CDH13: variants seen among roughly 807,000 people sequenced by gnomAD.
The protein encoded by CDH13 is cadherin 13, also known as cadherin-13.
In CDH13, 24 loss-of-function variants were observed where a neutral mutation model predicts 63.8. The ratio of observed to expected loss-of-function variants is 0.38; its 90% CI spans 0.27 to 0.53. The LOEUF (loss-of-function observed/expected upper bound fraction) is 0.53. CDH13 is among the 20% of genes least tolerant of loss of function. The probability of loss-of-function intolerance (pLI) is 0.85; values close to 1 mark genes in which losing one functional copy is unlikely to be tolerated. For synonymous variants in CDH13, 503 were observed against 355.3 expected, an observed-to-expected ratio of 1.42 and a Z score of -4.67; for missense variants, 1,049 against 903.1, an observed-to-expected ratio of 1.16 and a Z score of -2.07.
At chr16:83,741,362 G>C (rs987921548) in intron 10 of CDH13, among the ~76,000 whole-genome samples, 2 of 151,968 alleles carry the variant, frequency 1.3e-5, no homozygotes, top group Non-Finnish European at 2.9e-5. Flanking sequence ...CTTTCCTACA[G>C]TTTTACAGGG....
At chr16:83,164,966 G>A (rs1015207821) in intron 4 of CDH13, among the ~76,000 whole-genome samples, 2 of 151,784 alleles carry the variant, frequency 1.3e-5, no homozygotes, top group Non-Finnish European at 2.9e-5. Context: ...TGGCAGAACT[G>A]GAGACAATCC....
intron 8 of CDH13, among the ~76,000 whole-genome samples, chr16:83,628,162 C>T (rs11862587): frequency 0.8 from 121,243 of 152,174 alleles, 48,440 homozygotes; most frequent in Middle Eastern, 0.9. Context: ...CCTGTTTATG[C>T]CTAACCGCCT....
At chr16:83,092,490 G>C (rs1016241348) in intron 3 of CDH13, among the ~76,000 whole-genome samples, 2 of 152,188 alleles carry the variant, frequency 1.3e-5, no homozygotes, top group South Asian at 2.1e-4. Flanking sequence ...TCGTTAACTT[G>C]TCAGCCCTAG....
At chr16:82,869,278 T>A (rs2151185463) in intron 2 of CDH13, among the ~76,000 whole-genome samples, 1 of 152,200 alleles carries the variant, frequency 6.6e-6, no homozygotes, top group Admixed American at 6.5e-5. Flanking sequence ...ACTCCTGGCC[T>A]CAAACGATCG....
intron 2 of CDH13, among the ~76,000 whole-genome samples, chr16:83,008,358 G>A (rs1273380577): frequency 6.6e-6 from 1 of 152,154 alleles, no homozygotes; most frequent in African/African-American, 2.4e-5. Context: ...TTATGCAGGG[G>A]AGCCTTGGAA....
intron 2 of CDH13, among the ~76,000 whole-genome samples, chr16:82,980,437 G>A (rs1394979900): frequency 6.6e-6 from 1 of 152,180 alleles, no homozygotes; most frequent in Non-Finnish European, 1.5e-5. Flanking sequence ...TCTATCCAGA[G>A]CTGTACACAA....
At chr16:83,352,778 T>C (rs2090980921) in intron 6 of CDH13, among the ~76,000 whole-genome samples, 1 of 152,182 alleles carries the variant, frequency 6.6e-6, no homozygotes, top group Non-Finnish European at 1.5e-5. Context: ...TAGTCCCAGC[T>C]ACTCAAGATG....
intron 12 of CDH13, 97 bp from the exon 13 acceptor site, chr16:83,783,157 G>A (rs1915644668): frequency 6.5e-6 from 5 of 769,400 alleles, no homozygotes; most frequent in Non-Finnish European, 1.1e-5. Flanking sequence ...AAATGAAAAT[G>A]CAATGCCTGT....
intron 4 of CDH13, among the ~76,000 whole-genome samples, chr16:83,179,806 G>T (rs1026799738): frequency 6.6e-6 from 1 of 151,872 alleles, no homozygotes; most frequent in Non-Finnish European, 1.5e-5. Context: ...AAATACAAAT[G>T]ACTTATATTT....
At chr16:82,839,106 G>C (rs1344026514) in intron 1 of CDH13, among the ~76,000 whole-genome samples, 1 of 152,190 alleles carries the variant, frequency 6.6e-6, no homozygotes, top group African/African-American at 2.4e-5. Context: ...GCTTTGGTTT[G>C]CCAATCAATG....
intron 4 of CDH13, among the ~76,000 whole-genome samples, chr16:83,134,318 T>A (rs943974056): frequency 1.3e-5 from 2 of 152,164 alleles, no homozygotes; most frequent in African/African-American, 4.8e-5. Flanking sequence ...GCTTCCCAAG[T>A]AACTGGGATT....
At position 82,969,376 on chromosome 16, in the gene CDH13, A is replaced by G. The variant is rs117651054; in HGVS notation, c.158-62634A>G. On this transcript the variant is annotated intron_variant, in intron 2 of 13. Transcript: ENST00000567109. ...TGGGGCTGAATTTTACCCTAGGGCT[A>G]TAATTTCCTGACCCCTGATCTCTCC... is the stretch of plus-strand genomic sequence containing the variant. 8.8e-4 allele frequency among the ~76,000 whole-genome samples: 134 copies of G among 152,150 alleles called. 5 individuals carry two copies. The East Asian group carries it at 0.025, about 29-fold the overall frequency.
intron 5 of CDH13, among the ~76,000 whole-genome samples, chr16:83,322,455 A>T (rs1180529221): frequency 6.6e-6 from 1 of 152,214 alleles, no homozygotes; most frequent in Non-Finnish European, 1.5e-5. Flanking sequence ...TTGTTCATTG[A>T]TTCATTTCTT....
intron 6 of CDH13, among the ~76,000 whole-genome samples, chr16:83,430,673 TG>T (rs2072071332): frequency 1.3e-5 from 2 of 152,216 alleles, no homozygotes; most frequent in Admixed American, 1.3e-4. Flanking sequence ...AGGTTGAAAT[TG>T]TAAGAAAGTT....
At chr16:82,677,085 T>C (rs1914013309) in intron 1 of CDH13, among the ~76,000 whole-genome samples, 1 of 152,238 alleles carries the variant, frequency 6.6e-6, no homozygotes, top group African/African-American at 2.4e-5. Context: ...GGTTTCGCCA[T>C]GTTGGCCAGG....
chr16:83,612,054 A>G (rs922538617), intron 8 of CDH13, among the ~76,000 whole-genome samples: 2 of 152,010 alleles, frequency 1.3e-5, no homozygotes, highest in African/African-American at 4.8e-5. Context: ...TGTTGTTCAA[A>G]CCTTCTATAT....
intron 1 of CDH13, among the ~76,000 whole-genome samples, chr16:82,728,833 C>CA (rs2033242422): frequency 6.6e-6 from 1 of 152,174 alleles, no homozygotes; most frequent in African/African-American, 2.4e-5. Context: ...GAACTTCTTT[C>CA]AAAATTGGAG....
In CDH13 at chr16:83,074,724, G is replaced by A. The variant is rs150838868; in HGVS notation, c.366+42506G>A. On this transcript the variant is annotated intron_variant, in intron 3 of 13. Transcript: ENST00000567109. ...TTTGGAGCCTTCCTTCATAGCCATC[G>A]TCTCACACAGTCCTCACTGGTGCTA... Among the ~76,000 whole-genome samples, 268 of 152,154 alleles carry A rather than the reference G, an allele frequency of 1.8e-3. 2 individuals are homozygous for A. The highest frequency in any genetic ancestry group is 6.2e-3 in the African/African-American group (259 of 41,516).
intron 6 of CDH13, among the ~76,000 whole-genome samples, chr16:83,366,027 G>A (rs2091251355): frequency 6.6e-6 from 1 of 152,164 alleles, no homozygotes; most frequent in Admixed American, 6.5e-5. Context: ...TACTGTTGTT[G>A]TTTTAAGCCA....
Sources: allele counts gnomAD v4.1 joint callset (sites outside exome capture counted in the v4.1 genomes callset), GRCh38; gene constraint gnomAD v4.1.1; transcripts MANE v1.5; gene names NCBI Gene and HGNC (gene_info 2026-07-23, HGNC 2026-07-21).